The following CSF2RA variants were observed in gnomAD, a reference collection of about 807,000 sequenced individuals.
CSF2RA encodes the protein granulocyte-macrophage colony-stimulating factor receptor subunit alpha.
A neutral mutation model predicts 51.6 loss-of-function variants in CSF2RA; 42 were observed. The observed-to-expected ratio is 0.81, with a 90% CI of 0.64 to 1.05. The LOEUF (loss-of-function observed/expected upper bound fraction) is 1.05. Among genes scored for constraint, CSF2RA ranks in the 50% least tolerant of loss-of-function variants. CSF2RA has a pLI of 0.00. For missense variants in CSF2RA, 530 were observed against 501.1 expected (o/e 1.06, Z -0.55); for synonymous variants, 222 against 193.0 (o/e 1.15, Z -1.24).
At chrX:1,293,867 G>C in intron 7 of CSF2RA, 3 of 375,628 alleles carry the variant, frequency 8.0e-6, no homozygotes, top group South Asian at 5.2e-5. Context: ...GACAGGAGGA[G>C]ACCCTGCCCC....
At chrX:1,288,102 A>G (rs28576418) in intron 4 of CSF2RA, among the ~76,000 whole-genome samples, 98,529 of 151,772 alleles carry the variant, frequency 0.65, 33,553 homozygotes, top group Non-Finnish European at 0.75. Flanking sequence ...GCTGGTATTC[A>G]GCGTATCCAC....
At chrX:1,276,576 A>G (rs1413547628) in intron 2 of CSF2RA, among the ~76,000 whole-genome samples, 2 of 149,924 alleles carry the variant, frequency 1.3e-5, no homozygotes, top group Admixed American at 1.3e-4. Context: ...GTTTCACCGT[A>G]TTGTCCAGGC....
At chrX:1,317,345 G>A in the CSF2RA span, among the ~76,000 whole-genome samples, 22 of 124,922 alleles carry the variant, frequency 1.8e-4, no homozygotes, top group South Asian at 5.2e-3. Flanking sequence ...TCCGCCTCCC[G>A]GGTTCCAGCG....
the CSF2RA span, among the ~76,000 whole-genome samples, chrX:1,324,743 G>A: frequency 6.6e-6 from 1 of 152,154 alleles, no homozygotes; most frequent in Non-Finnish European, 1.5e-5. Flanking sequence ...ACAAAGGCCT[G>A]TCTGAGTCGG....
Position 1,285,893 on chromosome X carries a change from C to G in CSF2RA, c.192C>G (p.Asp64Glu). 2 of 1,613,850 alleles carry G rather than the reference C, an allele frequency of 1.2e-6. No individual in the cohort carries two copies. The highest frequency in any genetic ancestry group is 1.7e-6 in the Non-Finnish European group (2 of 1,179,850). ...NTTFSKCFLT[D>E]KKNRVVEPRL... ...CCTTCAGCAAGTGTTTCTTAACTGA[C>G]AAGAAGAACAGAGTCGTGGAACCCA... Residue 64 changes from aspartate (D) to glutamate (E), a missense_variant, in exon 4 of 13, where the codon GAC (aspartate) becomes GAG (glutamate). Coordinates refer to ENST00000381529, the MANE Select transcript of CSF2RA (RefSeq NM_172245.4).
intron 3 of CSF2RA, 190 bp from the exon 4 acceptor site, chrX:1,285,588 G>A (rs375075578): frequency 4.5e-4 from 312 of 697,046 alleles, no homozygotes; most frequent in African/African-American, 4.4e-3. Context: ...CCAGCTACTC[G>A]GGAGGCTGAG....
chrX:1,303,014 G>T, intron 10 of CSF2RA: 1 of 251,754 alleles, frequency 4.0e-6, no homozygotes, highest in Non-Finnish European at 7.2e-6. Flanking sequence ...TGGGATTACA[G>T]ACATGCATCA....
intron 12 of CSF2RA, among the ~76,000 whole-genome samples, chrX:1,307,263 C>G (rs2083668300): frequency 6.6e-6 from 1 of 152,208 alleles, no homozygotes; most frequent in Non-Finnish European, 1.5e-5. Flanking sequence ...GGAACCTCAG[C>G]TTTTATCCTT....
chrX:1,298,919 C>T (rs1452777755), intron 9 of CSF2RA, among the ~76,000 whole-genome samples: 5 of 151,978 alleles, frequency 3.3e-5, no homozygotes, highest in Admixed American at 1.3e-4. Flanking sequence ...ATACTCTGCC[C>T]GACATACAGT....
At chrX:1,304,654 GT>G (rs1489170377) in intron 11 of CSF2RA, among the ~76,000 whole-genome samples, 1,194 of 66,194 alleles carry the variant, frequency 0.018, 18 homozygotes, top group African/African-American at 0.057. Context: ...GTTTTTTTTT[GT>G]TTGTTTGTTT....
In CSF2RA at chrX:1,281,570, T is replaced by C. The variant is rs1421246042; in HGVS notation, c.-26-1108T>C. Among the ~76,000 whole-genome samples the C allele has an allele frequency of 1.1e-4, 17 of 151,894 alleles. No homozygotes were observed. The Admixed American group carries it at 1.1e-3, about 10-fold the overall frequency. ...TGCACCTTTCCTCCTCCTCCTTCTT[T>C]TTCCTTTTTTGCATAAAGAAGTATC... On this transcript the variant is annotated intron_variant, in intron 2 of 12. Transcript: ENST00000381529.
At chrX:1,320,141 T>C in the CSF2RA span, among the ~76,000 whole-genome samples, 1 of 151,708 alleles carries the variant, frequency 6.6e-6, no homozygotes, top group Non-Finnish European at 1.5e-5. Context: ...GTCATCCACC[T>C]GCCTCGGCCT....
At chrX:1,322,099 A>ATTATTTATTTATTTATTTATTTAT in the CSF2RA span, among the ~76,000 whole-genome samples, 106 of 146,738 alleles carry the variant, frequency 7.2e-4, 1 homozygote, top group African/African-American at 2.2e-3. Context: ...ATAACATCCT[A>ATTATTTATTTATTTATTTATTTAT]TTATTTATTT....
Position 1,309,508 on chromosome X carries a change from C to A in CSF2RA, c.*29C>A. 1 of 1,613,966 alleles carries A rather than the reference C, an allele frequency of 6.2e-7. No homozygotes were observed. The highest frequency in any genetic ancestry group is 2.2e-5 in the East Asian group (1 of 44,886). On this transcript the variant is annotated 3_prime_UTR_variant, in exon 13 of 13. Transcript: ENST00000381529. ...CCAGAGGGTGTAGGAATGGCATGGA[C>A]ATCTCCGCCTCCGCGACACGGGGGA...
Position 1,304,073 on chromosome X carries a change from A to T in CSF2RA, c.1043+54A>T, listed in dbSNP as rs1181002775. ...AATGAAAACAGGCCAGGCCGGGAGGAAAGCGCTTTGTCCAGTCTCTGTCTC... is the reference window on the plus strand; with the variant it reads ...AATGAAAACAGGCCAGGCCGGGAGGTAAGCGCTTTGTCCAGTCTCTGTCTC... On this transcript the variant is annotated intron_variant, in intron 11 of 12. Coordinates refer to ENST00000381529, the MANE Select transcript of CSF2RA (RefSeq NM_172245.4). 3.5e-6 allele frequency: 5 copies of T among 1,439,882 alleles called. No homozygotes were observed. The African/African-American group carries it at 7.1e-5, about 20-fold the overall frequency. 89.2% of individuals were successfully genotyped at this position (1,439,882 alleles called of 1,614,324 possible).
downstream of CSF2RA, among the ~76,000 whole-genome samples, chrX:1,313,211 G>A (rs2084259724): frequency 6.6e-6 from 1 of 152,002 alleles, no homozygotes; most frequent in African/African-American, 2.4e-5. Flanking sequence ...ATCACTTGAG[G>A]TCAGGAGTTC....
At chrX:1,316,218 T>G in the CSF2RA span, among the ~76,000 whole-genome samples, 1 of 118,410 alleles carries the variant, frequency 8.4e-6, no homozygotes, top group African/African-American at 2.9e-5. Context: ...GATACATAGG[T>G]AGATAGATAG....
intron 8 of CSF2RA, among the ~76,000 whole-genome samples, chrX:1,294,969 T>C (rs1308765710): frequency 2.0e-5 from 3 of 146,986 alleles, no homozygotes; most frequent in Admixed American, 2.0e-4. Flanking sequence ...GGAGAGAGAC[T>C]GCCTCACGTC....
chrX:1,313,404 A>C (rs1432469693), downstream of CSF2RA, among the ~76,000 whole-genome samples: 2 of 151,692 alleles, frequency 1.3e-5, no homozygotes, highest in African/African-American at 4.8e-5. Context: ...ACTGCACTCC[A>C]ATCTGGGTGA....
Sources: gnomAD v4.1 joint callset for allele counts (sites outside exome capture counted in the v4.1 genomes callset) on GRCh38, gnomAD v4.1.1 for gene constraint, MANE v1.5 for transcripts, NCBI Gene and HGNC (gene_info 2026-07-23, HGNC 2026-07-21) for gene names.